SAMD5: variants seen among roughly 807,000 people sequenced by gnomAD.
The protein encoded by SAMD5 is sterile alpha motif domain containing 5.
A neutral mutation model predicts 11.3 loss-of-function variants in SAMD5; 13 were observed. That is an observed-to-expected ratio of 1.15 (90% CI 0.75 to 1.83). SAMD5 has a LOEUF of 1.83. SAMD5 is among the 40% of genes most tolerant of loss of function. The probability of loss-of-function intolerance (pLI) is 0.00; values close to 1 mark genes in which losing one functional copy is unlikely to be tolerated. For synonymous variants in SAMD5, 129 were observed against 111.3 expected (o/e 1.16, Z -1.00); for missense variants, 255 against 239.1 (o/e 1.07, Z -0.44).
the SAMD5 span, among the ~76,000 whole-genome samples, chr6:147,843,231 A>G: frequency 3.3e-5 from 5 of 152,184 alleles, no homozygotes; most frequent in African/African-American, 7.2e-5. Flanking sequence ...GTATACTCCT[A>G]TGTATTTTAT....
intron 1 of SAMD5, among the ~76,000 whole-genome samples, chr6:147,707,252 A>C (rs1791336368): frequency 6.6e-6 from 1 of 152,230 alleles, no homozygotes. Flanking sequence ...TTATGTTTTA[A>C]TATAGAACCA....
intron 1 of SAMD5, among the ~76,000 whole-genome samples, chr6:147,520,560 C>A (rs751419546): frequency 1.3e-5 from 2 of 152,110 alleles, no homozygotes; most frequent in African/African-American, 4.8e-5. Flanking sequence ...AATTTAAAAT[C>A]GTCTATATTA....
the SAMD5 span, among the ~76,000 whole-genome samples, chr6:147,785,614 A>G: frequency 3.9e-4 from 60 of 152,340 alleles, 1 homozygote; most frequent in African/African-American, 1.2e-3. Context: ...GATGATTTTT[A>G]GAAGTGTGCA....
chr6:147,872,389 G>A, the SAMD5 span, among the ~76,000 whole-genome samples: 2 of 152,278 alleles, frequency 1.3e-5, no homozygotes, highest in African/African-American at 4.8e-5. Flanking sequence ...TGAGCTACCT[G>A]TGCCTGGTCT....
the SAMD5 span, among the ~76,000 whole-genome samples, chr6:147,830,935 T>G: frequency 6.6e-6 from 1 of 152,206 alleles, no homozygotes; most frequent in Non-Finnish European, 1.5e-5. Flanking sequence ...ACAGTACACT[T>G]TCCCAATGGA....
intron 1 of SAMD5, among the ~76,000 whole-genome samples, chr6:147,643,021 A>C (rs772292800): frequency 6.6e-6 from 1 of 152,198 alleles, no homozygotes; most frequent in South Asian, 2.1e-4. Flanking sequence ...TAGCAAACTC[A>C]TCACACTGTA....
At chr6:147,631,946 A>G (rs1790157959) in intron 1 of SAMD5, among the ~76,000 whole-genome samples, 1 of 152,238 alleles carries the variant, frequency 6.6e-6, no homozygotes, top group African/African-American at 2.4e-5. Flanking sequence ...GGAAGAGGTT[A>G]TGAAATGATG....
chr6:147,647,504 G>C (rs1284228034), intron 1 of SAMD5, among the ~76,000 whole-genome samples: 2 of 152,134 alleles, frequency 1.3e-5, no homozygotes, highest in Non-Finnish European at 2.9e-5. Context: ...ACATTCAAGT[G>C]GAAATTTCCA....
At chr6:147,857,245 G>A in the SAMD5 span, among the ~76,000 whole-genome samples, 1 of 151,532 alleles carries the variant, frequency 6.6e-6, no homozygotes, top group East Asian at 1.9e-4. Flanking sequence ...GCTCATGCCT[G>A]TAATCCCAGC....
chr6:147,673,587 T>A (rs1790825560), intron 1 of SAMD5, among the ~76,000 whole-genome samples: 1 of 151,452 alleles, frequency 6.6e-6, no homozygotes, highest in East Asian at 1.9e-4. Context: ...CTTCCTCTAT[T>A]TATTGATGGT....
chr6:147,619,093 TC>T (rs1332451331), intron 1 of SAMD5, among the ~76,000 whole-genome samples: 1 of 152,188 alleles, frequency 6.6e-6, no homozygotes, highest in African/African-American at 2.4e-5. Context: ...ACCCGGCCTT[TC>T]CTGCTCTTGT....
intron 1 of SAMD5, among the ~76,000 whole-genome samples, chr6:147,576,916 A>G (rs1789225522): frequency 6.6e-6 from 1 of 152,252 alleles, no homozygotes; most frequent in South Asian, 2.1e-4. Flanking sequence ...GCCCTTTGAA[A>G]TAGCCTTACA....
At chr6:147,905,329 GTGCCACCA>G in the SAMD5 span, among the ~76,000 whole-genome samples, 4 of 152,224 alleles carry the variant, frequency 2.6e-5, no homozygotes, top group East Asian at 7.7e-4. Flanking sequence ...TTACAGGCGT[GTGCCACCA>G]TGCCCGGCTA....
At position 147,731,652 on chromosome 6, in the gene SAMD5, C is replaced by CAAAAA. The variant is rs4052655; in HGVS notation, c.163-5650_163-5646dup. ...CCCTCTCTTTTCTCTCTGGCCACTA[C>CAAAAA]AAAAAAAAAAAAAAAAAAATCCTGA... On this transcript the variant is annotated intron_variant, in intron 1 of 1. Coordinates refer to the SAMD5 transcript ENST00000566741. 8.8e-4 allele frequency among the ~76,000 whole-genome samples: 79 copies of CAAAAA among 90,100 alleles called. 3 individuals are homozygous for CAAAAA. The highest frequency in any genetic ancestry group is 1.2e-3 in the Non-Finnish European group (59 of 49,860). The allele number at this position is 90,100 out of a possible 152,430, so 59.1% of individuals were successfully genotyped here.
At chr6:147,905,003 C>G in the SAMD5 span, among the ~76,000 whole-genome samples, 3 of 151,800 alleles carry the variant, frequency 2.0e-5, no homozygotes, top group Non-Finnish European at 4.4e-5. Context: ...ATTCTCCTGC[C>G]TCAGCCTCGT....
the SAMD5 span, among the ~76,000 whole-genome samples, chr6:147,861,744 T>G: frequency 1.3e-5 from 2 of 152,166 alleles, no homozygotes; most frequent in East Asian, 3.9e-4. Context: ...TACCCTGACT[T>G]TCCTTTCCAG....
At chr6:147,859,231 A>T in the SAMD5 span, among the ~76,000 whole-genome samples, 24 of 152,142 alleles carry the variant, frequency 1.6e-4, 2 homozygotes, top group South Asian at 5.0e-3. Context: ...GCATAGGGGG[A>T]CGTGATTTAC....
the SAMD5 span, among the ~76,000 whole-genome samples, chr6:147,750,435 T>A: frequency 1.3e-5 from 2 of 152,206 alleles, no homozygotes; most frequent in Non-Finnish European, 2.9e-5. Flanking sequence ...TGTGTTTTTG[T>A]GTCTATATGT....
the SAMD5 span, among the ~76,000 whole-genome samples, chr6:147,816,383 TAGA>T: frequency 1.4e-5 from 2 of 144,624 alleles, no homozygotes; most frequent in South Asian, 2.2e-4. Flanking sequence ...TATATATAAT[TAGA>T]AGGAAAAATA....
Sources: gnomAD v4.1 joint callset for allele counts (sites outside exome capture counted in the v4.1 genomes callset) on GRCh38, gnomAD v4.1.1 for gene constraint, MANE v1.5 for transcripts, NCBI Gene and HGNC (gene_info 2026-07-23, HGNC 2026-07-21) for gene names.